TFPI: variants seen among roughly 807,000 people sequenced by gnomAD.
TFPI encodes the protein tissue factor pathway inhibitor.
Under a neutral mutation model 34.6 loss-of-function variants are expected in TFPI, and 15 were observed. That is an observed-to-expected ratio of 0.43 (90% CI 0.29 to 0.67). The LOEUF (loss-of-function observed/expected upper bound fraction) is 0.67, where lower values mean the gene tolerates loss of function less well. Ranked by LOEUF, TFPI falls within the 30% of genes least tolerant of loss-of-function variation. The pLI is 0.15. For synonymous variants in TFPI, 105 were observed against 120.1 expected, an observed-to-expected ratio of 0.87 and a Z score of 0.82; for missense variants, 301 against 364.0, an observed-to-expected ratio of 0.83 and a Z score of 1.41.
At chr2:187,476,166 C>CAT (rs1692358509) in intron 6 of TFPI, among the ~76,000 whole-genome samples, 1 of 152,190 alleles carries the variant, frequency 6.6e-6, no homozygotes, top group Middle Eastern at 3.4e-3. Context: ...TCCATGTGAT[C>CAT]ATATCTGCAC....
intron 3 of TFPI, among the ~76,000 whole-genome samples, chr2:187,491,901 G>T (rs1404550414): frequency 6.6e-6 from 1 of 152,024 alleles, no homozygotes; most frequent in East Asian, 1.9e-4. Flanking sequence ...ATTCTGACTG[G>T]TATAATATGG....
intron 1 of TFPI, among the ~76,000 whole-genome samples, chr2:187,551,388 G>C (rs73050543): frequency 0.012 from 1,901 of 152,208 alleles, 41 homozygotes; most frequent in African/African-American, 0.044. Flanking sequence ...GAAAACAGTG[G>C]ATTTGACATG....
At chr2:187,483,872 A>G (rs1693058797) in intron 6 of TFPI, 1 of 447,044 alleles carries the variant, frequency 2.2e-6, no homozygotes, top group East Asian at 4.3e-5. Context: ...TAAATATCAT[A>G]TGAAAGTTTT....
chr2:187,541,585 G>A (rs1489770706), intron 1 of TFPI, among the ~76,000 whole-genome samples: 2 of 152,196 alleles, frequency 1.3e-5, no homozygotes, highest in Non-Finnish European at 2.9e-5. Context: ...ACAAAAACTT[G>A]AGAATCAGGA....
At chr2:187,490,210 G>A (rs942047170) in intron 3 of TFPI, among the ~76,000 whole-genome samples, 3 of 151,560 alleles carry the variant, frequency 2.0e-5, no homozygotes, top group African/African-American at 7.3e-5. Context: ...ATTTTCTTCT[G>A]GGTGTGCAAG....
chr2:187,494,951 G>T lies in TFPI; in HGVS notation c.319+1930C>A, dbSNP rs548792310. On this transcript the variant is annotated intron_variant, in intron 3 of 7. Transcript: ENST00000233156. ...TTGGTGAGGCTGGTCTAAAATTCCT[G>T]ACCTTAGGTGATCCACCCACCTCAG... Among the ~76,000 whole-genome samples the T allele has an allele frequency of 5.5e-4, 84 of 152,218 alleles. 2 individuals carry two copies. In the South Asian group the frequency reaches 0.017, roughly 31 times the overall value.
At chr2:187,518,612 G>C (rs1471666998) in intron 1 of TFPI, 1 of 152,134 alleles carries the variant, frequency 6.6e-6, no homozygotes, top group East Asian at 1.9e-4. Flanking sequence ...TGACGATTAT[G>C]TGTCTTTGGG....
rs150650621 is a variant in TFPI, at chr2:187,497,360, A to G, written c.122-282T>C. On this transcript the variant is annotated intron_variant, in intron 2 of 7. Coordinates refer to ENST00000233156, the MANE Select transcript of TFPI (RefSeq NM_006287.6). ...TTGTAAGGCAACTTCATTCAAGTGG[A>G]TGTGTCCACAATAGACCTCTTTTAA... Among the ~76,000 whole-genome samples the G allele has an allele frequency of 1.8e-4, 27 of 152,144 alleles. No individual in the cohort carries two copies. The East Asian group carries it at 4.6e-3, about 26-fold the overall frequency.
chr2:187,533,529 A>G (rs1396287979), intron 1 of TFPI, among the ~76,000 whole-genome samples: 1 of 152,214 alleles, frequency 6.6e-6, no homozygotes, highest in Non-Finnish European at 1.5e-5. Flanking sequence ...ACATCAACAA[A>G]GAGGACATCC....
chr2:187,530,860 AG>A (rs560866836), intron 1 of TFPI, among the ~76,000 whole-genome samples: 103 of 152,314 alleles, frequency 6.8e-4, no homozygotes, highest in Non-Finnish European at 1.2e-3. Context: ...AGAAAGTAAA[AG>A]GTCACTGGAG....
At chr2:187,475,100 A>C (rs1692288367) in intron 6 of TFPI, among the ~76,000 whole-genome samples, 1 of 152,122 alleles carries the variant, frequency 6.6e-6, no homozygotes, top group African/African-American at 2.4e-5. Context: ...TATTTGACAA[A>C]AACACCTATA....
intron 3 of TFPI, among the ~76,000 whole-genome samples, chr2:187,489,806 C>A (rs563835440): frequency 2.0e-4 from 31 of 151,254 alleles, no homozygotes; most frequent in Middle Eastern, 6.8e-3. Flanking sequence ...TTTATATTAC[C>A]AATAATTGTC....
intron 1 of TFPI, among the ~76,000 whole-genome samples, chr2:187,531,456 CAA>C (rs748890833): frequency 6.6e-5 from 10 of 152,082 alleles, no homozygotes; most frequent in Admixed American, 1.3e-4. Flanking sequence ...ACAGTTATTA[CAA>C]GTGTCAATAA....
chr2:187,488,264 C>A, intron 4 of TFPI, 73 bp downstream of exon 4: 1 of 1,301,854 alleles, frequency 7.7e-7, no homozygotes, highest in East Asian at 2.5e-5. Flanking sequence ...AACAAACAAG[C>A]AAACAAACAA....
intron 6 of TFPI, among the ~76,000 whole-genome samples, chr2:187,479,319 G>A (rs1692645331): frequency 6.6e-6 from 1 of 151,500 alleles, no homozygotes; most frequent in African/African-American, 2.4e-5. Flanking sequence ...TGTCAAAAAG[G>A]TCATGTATAA....
intron 1 of TFPI, among the ~76,000 whole-genome samples, chr2:187,508,506 C>T (rs1686386017): frequency 6.6e-6 from 1 of 152,080 alleles, no homozygotes; most frequent in Non-Finnish European, 1.5e-5. Context: ...TTCTAGATCT[C>T]CTTGAAGAGG....
intron 1 of TFPI, among the ~76,000 whole-genome samples, chr2:187,522,741 A>AC (rs1233641169): frequency 6.7e-6 from 1 of 149,174 alleles, no homozygotes; most frequent in African/African-American, 2.5e-5. Flanking sequence ...AAAAAAAAAA[A>AC]AAACCCAGGC....
intron 6 of TFPI, among the ~76,000 whole-genome samples, chr2:187,477,574 G>A (rs1326029149): frequency 6.6e-6 from 1 of 152,106 alleles, no homozygotes; most frequent in African/African-American, 2.4e-5. Context: ...TCTCCAGAAA[G>A]TTCTCATGGT....
intron 1 of TFPI, among the ~76,000 whole-genome samples, chr2:187,530,911 G>T (rs1302470024): frequency 6.6e-6 from 1 of 152,072 alleles, no homozygotes; most frequent in Non-Finnish European, 1.5e-5. Context: ...TATTTTAAAT[G>T]GTATGAATAA....
Sources: gnomAD v4.1 joint callset for allele counts (sites outside exome capture counted in the v4.1 genomes callset) on GRCh38, gnomAD v4.1.1 for gene constraint, MANE v1.5 for transcripts, NCBI Gene and HGNC (gene_info 2026-07-23, HGNC 2026-07-21) for gene names.